The following RPS6KA2 variants were observed in gnomAD, a reference collection of about 807,000 sequenced individuals.
The protein encoded by RPS6KA2 is ribosomal protein S6 kinase alpha-2.
In RPS6KA2, 42 loss-of-function variants were observed where a neutral mutation model predicts 91.8. That is an observed-to-expected ratio of 0.46 (90% CI 0.36 to 0.59). The LOEUF (loss-of-function observed/expected upper bound fraction) is 0.59, where lower values mean the gene tolerates loss of function less well. Among genes scored for constraint, RPS6KA2 ranks in the 20% least tolerant of loss-of-function variants. The probability of loss-of-function intolerance (pLI) is 0.00; values close to 1 mark genes in which losing one functional copy is unlikely to be tolerated. For missense variants in RPS6KA2, 798 were observed against 978.5 expected, an observed-to-expected ratio of 0.82 and a Z score of 2.46; for synonymous variants, 414 against 393.6, an observed-to-expected ratio of 1.05 and a Z score of -0.61.
rs138433360 is a variant in RPS6KA2 at position 166,490,335 on chromosome 6, TGA to T, written c.818+334_818+335del. On this transcript the variant is annotated intron_variant, in intron 9 of 20. Transcript: ENST00000265678. This position sits in a 1 kb window ranked among gnomAD's most constrained non-coding sequence, Gnocchi z 4.2. ...CTGGGAGGTCACCAACCATCACGCT[TGA>T]AAACCAGCCACTACACATTCTAAGT... Among the ~76,000 whole-genome samples, 1,140 of 152,122 alleles carry T rather than the reference TGA, an allele frequency of 7.5e-3. 16 individuals are homozygous for T. Among genetic ancestry groups the T allele is most frequent in the African/African-American group, 0.026 (1,096 of 41,512 alleles).
At chr6:166,479,619 T>C (rs1439785500) in intron 10 of RPS6KA2, among the ~76,000 whole-genome samples, 1 of 152,206 alleles carries the variant, frequency 6.6e-6, no homozygotes, top group East Asian at 1.9e-4. Flanking sequence ...CACAGAGAAG[T>C]CTCTGGCATC....
At chr6:166,689,414 G>A (rs1340770359) in intron 2 of RPS6KA2, among the ~76,000 whole-genome samples, 2 of 152,250 alleles carry the variant, frequency 1.3e-5, no homozygotes, top group African/African-American at 4.8e-5. Flanking sequence ...ACAAGGAAAA[G>A]AGTAGACATG....
rs573711018 is a variant in RPS6KA2 at position 166,632,299 on chromosome 6, C to T, written c.124-93515G>A. On this transcript the variant is annotated intron_variant, in intron 2 of 21. Transcript: ENST00000503859. ...ACATGAGGTATACCTACAGCAAACA[C>T]CATGGGGTGTCCCTTAAATTATGCA... 4.6e-5 allele frequency among the ~76,000 whole-genome samples: 7 copies of T among 152,294 alleles called. No individual in the cohort carries two copies. In the South Asian group the frequency reaches 1.4e-3, roughly 32 times the overall value.
At position 166,733,714 on chromosome 6, in the gene RPS6KA2, C is replaced by T. The variant is rs1036154253; in HGVS notation, c.123+124486G>A. Among the ~76,000 whole-genome samples the T allele has an allele frequency of 3.3e-5, 5 of 152,112 alleles. No homozygotes were observed. The highest frequency in any genetic ancestry group is 9.7e-5 in the African/African-American group (4 of 41,404). The stretch of plus-strand genomic sequence containing the variant: ...GCACAGGTCACATTTCAGCGGGTTC[C>T]GGAGCTCACTCTAAGTGGGGAAGTG... On this transcript the variant is annotated intron_variant, in intron 2 of 21. Coordinates refer to the RPS6KA2 transcript ENST00000503859. The surrounding 1 kb of genome is among the most constrained non-coding windows in gnomAD (Gnocchi z 4.1).
At chr6:166,421,783 G>A (rs958302240) in intron 17 of RPS6KA2, among the ~76,000 whole-genome samples, 2 of 152,132 alleles carry the variant, frequency 1.3e-5, no homozygotes, top group Non-Finnish European at 2.9e-5. Flanking sequence ...GTCTGGTCCA[G>A]CTAAGAACTT....
In RPS6KA2 at chr6:166,665,044, A is replaced by T. The variant is rs1788276531; in HGVS notation, c.124-126260T>A. ...AGGATTGCTTGAGCCCAGAAGTTGG[A>T]GACCAACCTGGGCAAAATAGTGAGA... On this transcript the variant is annotated intron_variant, in intron 2 of 21. Coordinates refer to the RPS6KA2 transcript ENST00000503859. The surrounding 1 kb of genome is among the most constrained non-coding windows in gnomAD (Gnocchi z 4.5). 6.6e-6 allele frequency among the ~76,000 whole-genome samples: 1 copy of T among 152,206 alleles called. No homozygotes were observed. Among genetic ancestry groups the T allele is most frequent in the Non-Finnish European group, 1.5e-5 (1 of 68,036 alleles).
chr6:166,626,898 C>A lies in RPS6KA2; in HGVS notation c.99+23G>T. 6.8e-7 allele frequency: 1 copy of A among 1,471,252 alleles called. No homozygotes were observed. The highest frequency in any genetic ancestry group is 9.1e-7 in the Non-Finnish European group (1 of 1,104,352). The allele number at this position is 1,471,252 out of a possible 1,614,324, so 91.1% of individuals were successfully genotyped here. On this transcript the variant is annotated intron_variant, in intron 1 of 20. Transcript: ENST00000265678. This position sits in a 1 kb window ranked among gnomAD's most constrained non-coding sequence, Gnocchi z 4.1. ...GCCCGCTCAGTGCCCGGCACCTGCG[C>A]GCCCCGAGGGCGGCCGCATTACCTC...
intron 3 of RPS6KA2, among the ~76,000 whole-genome samples, chr6:166,518,985 T>C (rs750131677): frequency 5.9e-5 from 9 of 152,212 alleles, no homozygotes; most frequent in Non-Finnish European, 7.3e-5. Flanking sequence ...TCATGGCCCA[T>C]ATCCAGGGAT....
chr6:166,548,092 T>G (rs1353244048), intron 1 of RPS6KA2, among the ~76,000 whole-genome samples: 1 of 152,172 alleles, frequency 6.6e-6, no homozygotes, highest in African/African-American at 2.4e-5. Flanking sequence ...GCTTTCAGAG[T>G]GATTGCGCTT....
Position 166,617,758 on chromosome 6 carries a change from A to T in RPS6KA2, c.99+9163T>A, listed in dbSNP as rs563500817. Among the ~76,000 whole-genome samples, 8 of 152,340 alleles carry T rather than the reference A, an allele frequency of 5.3e-5. No homozygotes were observed. In the East Asian group the frequency reaches 1.3e-3, roughly 26 times the overall value. On this transcript the variant is annotated intron_variant, in intron 1 of 20. Transcript: ENST00000265678. The stretch of plus-strand genomic sequence containing the variant: ...AGGACTTTGTACATATTAACCTAGA[A>T]GCTGCGAATTACATGGAGAATGGCC...
chr6:166,683,045 C>T (rs1466743784), intron 2 of RPS6KA2, among the ~76,000 whole-genome samples: 2 of 152,282 alleles, frequency 1.3e-5, no homozygotes, highest in African/African-American at 2.4e-5. Context: ...TGGGTCTCGC[C>T]GCTTGCCCTC....
intron 2 of RPS6KA2, among the ~76,000 whole-genome samples, chr6:166,741,896 G>A (rs1431853007): frequency 6.6e-6 from 1 of 152,210 alleles, no homozygotes; most frequent in Admixed American, 6.5e-5. Flanking sequence ...AGAGGCCGAG[G>A]AAGGCGGATC....
chr6:166,551,863 G>T (rs972736364), intron 1 of RPS6KA2, among the ~76,000 whole-genome samples: 6 of 152,204 alleles, frequency 3.9e-5, no homozygotes, highest in African/African-American at 1.4e-4. Flanking sequence ...CATGCGGTAG[G>T]CTTTGCCAAT....
chr6:166,659,082 G>C (rs181403914), intron 2 of RPS6KA2, among the ~76,000 whole-genome samples: 1 of 152,124 alleles, frequency 6.6e-6, no homozygotes, highest in African/African-American at 2.4e-5. Flanking sequence ...CTTTTGTGGC[G>C]CTTACATGGG....
chr6:166,790,484 C>T (rs1475850492), intron 2 of RPS6KA2, among the ~76,000 whole-genome samples: 7 of 152,004 alleles, frequency 4.6e-5, no homozygotes, highest in Non-Finnish European at 1.0e-4. Flanking sequence ...CAAGGCAGGC[C>T]AACATTCAGA....
At chr6:166,605,794 G>A (rs1785932796) in intron 1 of RPS6KA2, among the ~76,000 whole-genome samples, 1 of 152,206 alleles carries the variant, frequency 6.6e-6, no homozygotes, top group Admixed American at 6.5e-5. Context: ...ATGGAAAAGA[G>A]CAAATCAAAA....
At chr6:166,686,604 G>A (rs573493504) in intron 2 of RPS6KA2, among the ~76,000 whole-genome samples, 8 of 152,234 alleles carry the variant, frequency 5.3e-5, no homozygotes, top group Non-Finnish European at 1.0e-4. Context: ...TCTCTGCCCC[G>A]AATTCTCCAC....
intron 2 of RPS6KA2, among the ~76,000 whole-genome samples, chr6:166,790,727 G>C (rs887500942): frequency 6.6e-6 from 1 of 152,206 alleles, no homozygotes; most frequent in Non-Finnish European, 1.5e-5. Flanking sequence ...TTAAAGAAAA[G>C]AATTTTCAAT....
rs939093070 is a variant in RPS6KA2 at position 166,554,675 on chromosome 6, A to G, written c.100-15891T>C. On this transcript the variant is annotated intron_variant, in intron 1 of 20. Coordinates refer to ENST00000265678, the MANE Select transcript of RPS6KA2 (RefSeq NM_021135.6). This position sits in a 1 kb window ranked among gnomAD's most constrained non-coding sequence, Gnocchi z 4.3. ...TCCTCCTCCACTGCAGCCTGAAAGC[A>G]GGGGGCAAAACCAACCTGCTGTCTG... Among the ~76,000 whole-genome samples, 15 of 152,364 alleles carry G rather than the reference A, an allele frequency of 9.8e-5. No homozygotes were observed. Among genetic ancestry groups the G allele is most frequent in the African/African-American group, 2.4e-4 (10 of 41,588 alleles).
Sources: allele counts gnomAD v4.1 joint callset (sites outside exome capture counted in the v4.1 genomes callset), GRCh38; gene constraint gnomAD v4.1.1; non-coding constraint Gnocchi (gnomAD v3.1); transcripts MANE v1.5; gene names NCBI Gene and HGNC (gene_info 2026-07-23, HGNC 2026-07-21).